PODXL: variants seen among roughly 807,000 people sequenced by gnomAD.
PODXL encodes the protein podocalyxin like.
PODXL carries 20 observed loss-of-function variants against 48.9 expected under a neutral mutation model. The observed-to-expected ratio is 0.41, with a 90% CI of 0.29 to 0.59. PODXL has a LOEUF of 0.59. Ranked by LOEUF, PODXL falls within the 20% of genes least tolerant of loss-of-function variation. PODXL has a pLI of 0.31. For missense variants in PODXL, 606 were observed against 675.1 expected (o/e 0.90, Z 1.13); for synonymous variants, 295 against 287.4 (o/e 1.03, Z -0.27).
intron 1 of PODXL, among the ~76,000 whole-genome samples, chr7:131,553,806 A>C (rs1173902902): frequency 6.6e-6 from 1 of 152,204 alleles, no homozygotes; most frequent in African/African-American, 2.4e-5. Context: ...TCATGGTGGA[A>C]CTAGAGGTCC....
intron 1 of PODXL, among the ~76,000 whole-genome samples, chr7:131,540,846 T>C (rs1187385494): frequency 6.6e-6 from 1 of 152,098 alleles, no homozygotes; most frequent in Non-Finnish European, 1.5e-5. Context: ...CCCGCATGCA[T>C]GGCTGTGGGA....
At chr7:131,518,203 T>G (rs774765909) in intron 1 of PODXL, among the ~76,000 whole-genome samples, 1 of 152,176 alleles carries the variant, frequency 6.6e-6, no homozygotes, top group Non-Finnish European at 1.5e-5. Flanking sequence ...CATGTCTTTT[T>G]GCGGGGGGAA....
intron 1 of PODXL, among the ~76,000 whole-genome samples, chr7:131,540,464 C>T (rs1341365590): frequency 6.6e-6 from 1 of 151,930 alleles, no homozygotes; most frequent in Non-Finnish European, 1.5e-5. Flanking sequence ...ACCCTGCCCC[C>T]GCCCCCCAAT....
intron 1 of PODXL, among the ~76,000 whole-genome samples, chr7:131,550,691 C>A (rs1798654587): frequency 6.6e-6 from 1 of 151,960 alleles, no homozygotes; most frequent in Non-Finnish European, 1.5e-5. Flanking sequence ...TGAGTTTTTC[C>A]AATTCCCAGG....
chr7:131,550,783 A>ACG (rs973464882), intron 1 of PODXL, among the ~76,000 whole-genome samples: 1 of 151,644 alleles, frequency 6.6e-6, no homozygotes. Flanking sequence ...ACATACATGC[A>ACG]CGCACACACA....
intron 6 of PODXL, 38 bp downstream of exon 6, chr7:131,506,541 T>C (rs377574506): frequency 1.2e-4 from 192 of 1,604,654 alleles, no homozygotes; most frequent in Non-Finnish European, 1.4e-4. Context: ...TTCCCACCCA[T>C]GCAGGCCCCA....
chr7:131,537,101 G>A lies in PODXL; in HGVS notation c.100+19159C>T, dbSNP rs142020385. On this transcript the variant is annotated intron_variant, in intron 1 of 8. Coordinates refer to ENST00000378555, the MANE Select transcript of PODXL (RefSeq NM_001018111.3). ...TAATTGCGCCACTGCACTCCATCCCGGATGACAGAGTGAGACCCTGTATAT... is the reference window on the plus strand; with the variant it reads ...TAATTGCGCCACTGCACTCCATCCCAGATGACAGAGTGAGACCCTGTATAT... 2.8e-3 allele frequency among the ~76,000 whole-genome samples: 424 copies of A among 152,194 alleles called. 2 individuals are homozygous for A. The highest frequency in any genetic ancestry group is 8.3e-3 in the South Asian group (40 of 4,804).
chr7:131,513,526 T>C (rs1797949184), intron 1 of PODXL, among the ~76,000 whole-genome samples: 1 of 152,226 alleles, frequency 6.6e-6, no homozygotes, highest in African/African-American at 2.4e-5. Context: ...ATCTGCCTCC[T>C]ATGTTGATGC....
chr7:131,530,185 T>C (rs1203533673), intron 1 of PODXL, among the ~76,000 whole-genome samples: 1 of 97,376 alleles, frequency 1.0e-5, no homozygotes, highest in Non-Finnish European at 1.9e-5. Context: ...GCACACCTTC[T>C]CAGGCTACAA....
intron 1 of PODXL, among the ~76,000 whole-genome samples, chr7:131,543,861 G>C (rs1446031483): frequency 6.6e-6 from 1 of 152,120 alleles, no homozygotes; most frequent in African/African-American, 2.4e-5. Context: ...CCAAATGCAT[G>C]AGAACAGCCC....
At chr7:131,507,893 T>C (rs1288137077) in intron 5 of PODXL, among the ~76,000 whole-genome samples, 3 of 152,228 alleles carry the variant, frequency 2.0e-5, no homozygotes, top group Non-Finnish European at 4.4e-5. Flanking sequence ...GCCGGCATAA[T>C]GGACACCCAA....
chr7:131,502,560 G>A lies in PODXL; in HGVS notation c.*1751C>T, dbSNP rs546664755. 2 of 152,204 alleles carry A rather than the reference G, an allele frequency of 1.3e-5. No individual in the cohort carries two copies. Among genetic ancestry groups the A allele is most frequent in the Admixed American group, 1.3e-4 (2 of 15,274 alleles). 9.4% of individuals were successfully genotyped at this position (152,204 alleles called of 1,614,324 possible). Reference sequence around the variant, plus strand: ...CCCGAGTGGATAGCCTATTTCATCAGAGCTACTACAGCCGGAGCCTGACTC... The same window carrying A: ...CCCGAGTGGATAGCCTATTTCATCAAAGCTACTACAGCCGGAGCCTGACTC... On this transcript the variant is annotated 3_prime_UTR_variant, in exon 9 of 9. Coordinates refer to ENST00000378555, the MANE Select transcript of PODXL (RefSeq NM_001018111.3).
chr7:131,552,397 A>T (rs945218118), intron 1 of PODXL, among the ~76,000 whole-genome samples: 2 of 151,558 alleles, frequency 1.3e-5, no homozygotes, highest in Non-Finnish European at 2.9e-5. Flanking sequence ...CAAGGGGGGG[A>T]ATTCTAACCA....
At chr7:131,509,722 T>A (rs1764814417) in intron 3 of PODXL, 137 bp from the exon 4 acceptor site, 1 of 556,370 alleles carries the variant, frequency 1.8e-6, no homozygotes, top group Non-Finnish European at 3.0e-6. Flanking sequence ...TGGACTCCTA[T>A]GACAAGCCAG....
At chr7:131,544,647 GCCC>G (rs1798539208) in intron 1 of PODXL, among the ~76,000 whole-genome samples, 3 of 16,638 alleles carry the variant, frequency 1.8e-4, no homozygotes, top group Admixed American at 1.9e-3. Context: ...CCGCACGCAC[GCCC>G]TGTACTACGC....
chr7:131,511,895 C>T (rs912604823), intron 1 of PODXL, among the ~76,000 whole-genome samples: 1 of 152,204 alleles, frequency 6.6e-6, no homozygotes, highest in African/African-American at 2.4e-5. Flanking sequence ...GCCCCACACA[C>T]ATCCCCTTTA....
intron 3 of PODXL, among the ~76,000 whole-genome samples, chr7:131,509,873 T>G (rs970739662): frequency 3.3e-5 from 5 of 152,192 alleles, no homozygotes; most frequent in African/African-American, 4.8e-5. Context: ...ATCATCCCTA[T>G]TTCATAAACA....
rs116831467 is a variant in PODXL at position 131,518,082 on chromosome 7, G to A, written c.101-6649C>T. 6.0e-3 allele frequency among the ~76,000 whole-genome samples: 914 copies of A among 152,166 alleles called. 7 individuals are homozygous for A. The highest frequency in any genetic ancestry group is 0.02 in the African/African-American group (838 of 41,502). On this transcript the variant is annotated intron_variant, in intron 1 of 8. Coordinates refer to ENST00000378555, the MANE Select transcript of PODXL (RefSeq NM_001018111.3). ...AAGGATACCAGTCATTGGATTTAGA[G>A]CCCTCCCTAATCCAGTATGACTTCA... is the stretch of plus-strand genomic sequence containing the variant.
chr7:131,508,977 G>A lies in PODXL; in HGVS notation c.1075C>T (p.Leu359=). ...TQTQSEKQLV[L]NLTGNTLCAG... is the part of the protein sequence containing the mutation. ...CAGAGGGTGTTTCCTGTGAGGTTCA[G>A]GACGAGCTGCTTCTCACTCTGTGTC... is the stretch of plus-strand genomic sequence containing the variant. Residue 359 remains leucine, a synonymous_variant, in exon 5 of 9, where the codon CTG becomes TTG. Coordinates refer to ENST00000378555, the MANE Select transcript of PODXL (RefSeq NM_001018111.3). 6.2e-7 allele frequency: 1 copy of A among 1,613,978 alleles called. No homozygotes were observed. The highest frequency in any genetic ancestry group is 8.5e-7 in the Non-Finnish European group (1 of 1,179,846).
Sources: gnomAD v4.1 joint callset for allele counts (sites outside exome capture counted in the v4.1 genomes callset) on GRCh38, gnomAD v4.1.1 for gene constraint, MANE v1.5 for transcripts, NCBI Gene and HGNC (gene_info 2026-07-23, HGNC 2026-07-21) for gene names.